RNPC3: variants seen among roughly 807,000 people sequenced by gnomAD.
RNPC3 encodes RNA-binding region-containing protein 3.
Under a neutral mutation model 67.5 loss-of-function variants are expected in RNPC3, and 48 were observed. The observed-to-expected ratio is 0.71, with a 90% confidence interval of 0.56 to 0.90. RNPC3 has a LOEUF of 0.90. Among genes scored for constraint, RNPC3 ranks in the 40% least tolerant of loss-of-function variants. RNPC3 has a pLI of 0.00. For missense variants in RNPC3, 637 were observed against 626.1 expected (o/e 1.02, Z -0.19); for synonymous variants, 239 against 210.3 (o/e 1.14, Z -1.18).
At chr1:103,553,596 C>T (rs185640934) in intron 14 of RNPC3, 2 of 152,250 alleles carry the variant, frequency 1.3e-5, no homozygotes, top group Non-Finnish European at 2.9e-5. Context: ...TACTTTAACC[C>T]AGAATACAGT....
chr1:103,554,848 CAT>C (rs1254542869), intron 14 of RNPC3, 184 bp from the exon 15 acceptor site: 1 of 152,488 alleles, frequency 6.6e-6, no homozygotes, highest in East Asian at 1.9e-4. Flanking sequence ...TTTCTGTAGG[CAT>C]AGTTAAAAAG....
chr1:103,552,940 T>C (rs568255487), intron 14 of RNPC3, among the ~76,000 whole-genome samples: 1 of 152,366 alleles, frequency 6.6e-6, no homozygotes, highest in South Asian at 2.1e-4. Flanking sequence ...GTTTGTTACA[T>C]TGTTCAAGAA....
At chr1:103,549,835 C>T (rs546269780) in intron 12 of RNPC3, among the ~76,000 whole-genome samples, 1 of 152,204 alleles carries the variant, frequency 6.6e-6, no homozygotes, top group South Asian at 2.1e-4. Flanking sequence ...AGGTTCCTTT[C>T]TACTCCGAAG....
intron 7 of RNPC3, among the ~76,000 whole-genome samples, chr1:103,538,149 G>A (rs750637371): frequency 3.9e-5 from 6 of 152,088 alleles, no homozygotes; most frequent in Non-Finnish European, 8.8e-5. Flanking sequence ...TGGCCTCGAT[G>A]TACTTTTTAA....
chr1:103,538,609 A>G (rs995409658), intron 7 of RNPC3, among the ~76,000 whole-genome samples: 13 of 152,316 alleles, frequency 8.5e-5, no homozygotes, highest in Middle Eastern at 3.4e-3. Flanking sequence ...ACTTCCAAGA[A>G]CCTAATGCTG....
chr1:103,546,982 T>G lies in RNPC3; in HGVS notation c.1308T>G (p.Leu436=). 5 of 1,470,584 alleles carry G rather than the reference T, an allele frequency of 3.4e-6. No individual in the cohort carries two copies. Among genetic ancestry groups the G allele is most frequent in the Non-Finnish European group, 3.7e-6 (4 of 1,093,616 alleles). The allele number at this position is 1,470,584 out of a possible 1,614,324, so 91.1% of individuals were successfully genotyped here. A position where few individuals can be genotyped will look rare whatever the true frequency, so the allele number is the denominator to read the frequency against. Residue 436 remains leucine, a synonymous_variant, in exon 12 of 15, where the codon CTT becomes CTG. Coordinates refer to ENST00000423855, the MANE Select transcript of RNPC3 (RefSeq NM_017619.4). The part of the protein sequence containing the change: ...NLAKHVQEKD[L]KYIFGRYVDF... ...TTTTCTTATTGAAATTCTAGGACCT[T>G]AAATATATTTTTGGAAGATATGTTG...
chr1:103,548,870 A>T (rs140318267), intron 12 of RNPC3, among the ~76,000 whole-genome samples: 281 of 152,348 alleles, frequency 1.8e-3, no homozygotes, highest in African/African-American at 5.8e-3. Context: ...GAGGCCAGGG[A>T]AGCCTCACAA....
chr1:103,546,962 T>C lies in RNPC3; in HGVS notation c.1303-15T>C. On this transcript the variant is annotated splice_polypyrimidine_tract_variant and intron_variant, in intron 11 of 14. Coordinates refer to ENST00000423855, the MANE Select transcript of RNPC3 (RefSeq NM_017619.4). ...CCTGGCTTTGTTATTTGTCTTTTTC[T>C]TATTGAAATTCTAGGACCTTAAATA... 1 of 1,332,216 alleles carries C rather than the reference T, an allele frequency of 7.5e-7. No individual in the cohort carries two copies. The highest frequency in any genetic ancestry group is 1.0e-6 in the Non-Finnish European group (1 of 978,394). 82.5% of individuals were successfully genotyped at this position (1,332,216 alleles called of 1,614,324 possible). A position where few individuals can be genotyped will look rare whatever the true frequency, so the allele number is the denominator to read the frequency against.
chr1:103,534,780 T>C lies in RNPC3; in HGVS notation c.366T>C (p.Asp122=). The stretch of plus-strand genomic sequence containing the variant: ...TTGATTCTGTATGTCCCAGGTCTGA[T>C]GACCCTGTCGAAGATGATAAAGAAA... ...TSGSEKKKRS[D]DPVEDDKEKK... Residue 122 remains aspartate (D), a synonymous_variant, in exon 4 of 15, where the codon GAT becomes GAC. Transcript: ENST00000423855. 6.6e-7 allele frequency: 1 copy of C among 1,525,612 alleles called. No homozygotes were observed. The highest frequency in any genetic ancestry group is 8.8e-7 in the Non-Finnish European group (1 of 1,139,040). The allele number at this position is 1,525,612 out of a possible 1,614,324, so 94.5% of individuals were successfully genotyped here.
Position 103,545,210 on chromosome 1 carries a change from T to C in RNPC3, c.1207+108T>C. The C allele has an allele frequency of 5.0e-6, 4 of 807,158 alleles. No homozygotes were observed. The South Asian group carries it at 7.3e-5, about 15-fold the overall frequency. The allele number at this position is 807,158 out of a possible 1,614,324, so 50.0% of individuals were successfully genotyped here. ...TTTACCTTAATTTAAGGCACATACT[T>C]TAAAACATCTCTCCAATTAATGTTT... On this transcript the variant is annotated intron_variant, in intron 10 of 14. Transcript: ENST00000423855.
At chr1:103,554,266 ATTAC>A in intron 14 of RNPC3, 1 of 152,314 alleles carries the variant, frequency 6.6e-6, no homozygotes, top group South Asian at 2.1e-4. Flanking sequence ...AGGCAGGAGG[ATTAC>A]TTGAGCCCCA....
At chr1:103,549,396 C>T (rs1651330723) in intron 12 of RNPC3, among the ~76,000 whole-genome samples, 1 of 152,094 alleles carries the variant, frequency 6.6e-6, no homozygotes, top group Admixed American at 6.6e-5. Flanking sequence ...TCACAATTCT[C>T]TATTTATATC....
chr1:103,533,345 C>G (rs936733849), intron 2 of RNPC3, among the ~76,000 whole-genome samples: 2 of 151,962 alleles, frequency 1.3e-5, no homozygotes, highest in African/African-American at 4.8e-5. Flanking sequence ...ACAAAATACT[C>G]TCTGAGATAT....
chr1:103,537,596 G>C, intron 7 of RNPC3, 112 bp downstream of exon 7: 1 of 858,548 alleles, frequency 1.2e-6, no homozygotes, highest in East Asian at 2.8e-5. Flanking sequence ...GGGGTGATTA[G>C]AATTTGTCCT....
In RNPC3 at chr1:103,555,174, G is replaced by A. The variant is rs761074406; in HGVS notation, c.*153G>A. 3 of 151,898 alleles carry A rather than the reference G, an allele frequency of 2.0e-5. No homozygotes were observed. Among genetic ancestry groups the A allele is most frequent in the Non-Finnish European group, 4.4e-5 (3 of 67,952 alleles). The allele number at this position is 151,898 out of a possible 1,614,324, so 9.4% of individuals were successfully genotyped here. A position where few individuals can be genotyped will look rare whatever the true frequency, so the allele number is the denominator to read the frequency against. On this transcript the variant is annotated 3_prime_UTR_variant, in exon 15 of 15. Transcript: ENST00000423855. Reference sequence around the variant, plus strand: ...TATATGCCTTTAAATCAGTGAATTGGAAACATATTACATGTATTTTAATGA... The same window carrying A: ...TATATGCCTTTAAATCAGTGAATTGAAAACATATTACATGTATTTTAATGA...
chr1:103,541,169 T>C (rs1651117060), intron 7 of RNPC3, among the ~76,000 whole-genome samples, 181 bp from the exon 8 acceptor site: 1 of 152,154 alleles, frequency 6.6e-6, no homozygotes, highest in Non-Finnish European at 1.5e-5. Context: ...CAATTTAGTA[T>C]TTGAGCTTTT....
intron 12 of RNPC3, among the ~76,000 whole-genome samples, chr1:103,549,237 A>G (rs941625834): frequency 1.3e-5 from 2 of 152,374 alleles, no homozygotes; most frequent in African/African-American, 2.4e-5. Flanking sequence ...AAGAAGAAGT[A>G]GAAAAGGTAA....
Position 103,546,343 on chromosome 1 carries a change from G to T in RNPC3, c.1302+1G>T. On this transcript the variant is annotated splice_donor_variant, in intron 11 of 14. Coordinates refer to ENST00000423855, the MANE Select transcript of RNPC3 (RefSeq NM_017619.4). LOFTEE classifies it high-confidence loss of function. ...TTTAGCTAAACATGTTCAAGAAAAG[G>T]TAGGTATAAATTGATTTTTTTTCAT... The T allele has an allele frequency of 7.3e-7, 1 of 1,378,632 alleles. No homozygotes were observed. Among genetic ancestry groups the T allele is most frequent in the South Asian group, 1.4e-5 (1 of 70,136 alleles). 85.4% of individuals were successfully genotyped at this position (1,378,632 alleles called of 1,614,324 possible). A position where few individuals can be genotyped will look rare whatever the true frequency, so the allele number is the denominator to read the frequency against.
At position 103,551,776 on chromosome 1, in the gene RNPC3, GTTAAAAA is replaced by G; in HGVS notation, c.*1_*7del. 1 of 1,493,794 alleles carries G rather than the reference GTTAAAAA, an allele frequency of 6.7e-7. No individual in the cohort carries two copies. The highest frequency in any genetic ancestry group is 1.3e-5 in the South Asian group (1 of 78,370). The allele number at this position is 1,493,794 out of a possible 1,614,324, so 92.5% of individuals were successfully genotyped here. A position where few individuals can be genotyped will look rare whatever the true frequency, so the allele number is the denominator to read the frequency against. ...GATCCTAAGGAAGGAAAAAGAAAGT[GTTAAAAA>G]TTAATAAAGGTAAGTGTGAATAAAA... On this transcript the variant is annotated stop_retained_variant and 3_prime_UTR_variant, in exon 14 of 15. Coordinates refer to ENST00000423855, the MANE Select transcript of RNPC3 (RefSeq NM_017619.4).
Sources: gnomAD v4.1 joint callset for allele counts (sites outside exome capture counted in the v4.1 genomes callset) on GRCh38, gnomAD v4.1.1 for gene constraint, MANE v1.5 for transcripts, NCBI Gene and HGNC (gene_info 2026-07-23, HGNC 2026-07-21) for gene names.